ZNF248: variants seen among roughly 807,000 people sequenced by gnomAD.
ZNF248 encodes KRAB protein domain.
ZNF248 carries 20 observed loss-of-function variants against 44.3 expected under a neutral mutation model. The observed-to-expected ratio is 0.45, with a 90% CI of 0.32 to 0.66. The LOEUF is 0.66. ZNF248 is among the 30% of genes least tolerant of loss of function. The probability of loss-of-function intolerance (pLI) is 0.04; values close to 1 mark genes in which losing one functional copy is unlikely to be tolerated. For synonymous variants in ZNF248, 224 were observed against 229.0 expected (o/e 0.98, Z 0.20); for missense variants, 654 against 677.0 (o/e 0.97, Z 0.38).
chr10:37,807,950 G>A (rs894276485), intron 6 of ZNF248, among the ~76,000 whole-genome samples: 5 of 152,008 alleles, frequency 3.3e-5, no homozygotes, highest in African/African-American at 4.8e-5. Flanking sequence ...TCTTTTACCC[G>A]AGTACGACAT....
At chr10:37,791,868 G>C (rs757362057) in intron 6 of ZNF248, 19 of 152,164 alleles carry the variant, frequency 1.2e-4, no homozygotes, top group Non-Finnish European at 2.6e-4. Flanking sequence ...GACTGAAACA[G>C]TTTATGCCTT....
intron 3 of ZNF248, among the ~76,000 whole-genome samples, chr10:37,843,797 C>T (rs2058779651): frequency 6.6e-6 from 1 of 151,922 alleles, no homozygotes; most frequent in African/African-American, 2.4e-5. Flanking sequence ...TTTAACAACC[C>T]ATTTGAACAG....
chr10:37,768,138 G>A, the ZNF248 span, among the ~76,000 whole-genome samples: 1 of 152,094 alleles, frequency 6.6e-6, no homozygotes, highest in Non-Finnish European at 1.5e-5. Context: ...AGTCCTTAGC[G>A]ACCTACAAAG....
At chr10:37,822,613 T>C (rs1383469060) in intron 6 of ZNF248, among the ~76,000 whole-genome samples, 4 of 152,146 alleles carry the variant, frequency 2.6e-5, no homozygotes, top group African/African-American at 9.7e-5. Context: ...ATATTCATTA[T>C]AATAATATAG....
chr10:37,843,900 T>C (rs773699113), intron 3 of ZNF248, among the ~76,000 whole-genome samples: 13 of 151,938 alleles, frequency 8.6e-5, no homozygotes, highest in Non-Finnish European at 1.8e-4. Context: ...GAAATGTGAA[T>C]AGAGCCTAAG....
the ZNF248 span, among the ~76,000 whole-genome samples, chr10:37,760,735 G>A: frequency 2.0e-5 from 3 of 152,068 alleles, no homozygotes; most frequent in African/African-American, 4.8e-5. Flanking sequence ...TCAGGGGGCC[G>A]AGGCAGGAGA....
At chr10:37,780,298 G>A (rs1211975861) in intron 6 of ZNF248, among the ~76,000 whole-genome samples, 10 of 152,116 alleles carry the variant, frequency 6.6e-5, no homozygotes. Context: ...AAACAGCATG[G>A]TACTGGTACT....
At chr10:37,792,475 T>A (rs975068986) in intron 6 of ZNF248, among the ~76,000 whole-genome samples, 1 of 152,316 alleles carries the variant, frequency 6.6e-6, no homozygotes, top group Admixed American at 6.5e-5. Flanking sequence ...AGCTTAACTC[T>A]TCATGCCTAG....
intron 6 of ZNF248, chr10:37,791,723 A>C (rs1023406896): frequency 1.8e-4 from 27 of 152,340 alleles, no homozygotes; most frequent in African/African-American, 6.3e-4. Context: ...AAACATTTTA[A>C]TTCCTTTAAC....
chr10:37,846,213 C>T (rs2059293242), intron 3 of ZNF248, among the ~76,000 whole-genome samples: 1 of 152,154 alleles, frequency 6.6e-6, no homozygotes, highest in Non-Finnish European at 1.5e-5. Flanking sequence ...TTTCTGTGTG[C>T]TTGGTGAGAG....
chr10:37,812,548 A>ATTT (rs1321341501), intron 6 of ZNF248, among the ~76,000 whole-genome samples: 1 of 152,012 alleles, frequency 6.6e-6, no homozygotes, highest in Non-Finnish European at 1.5e-5. Flanking sequence ...AGTGAGAACC[A>ATTT]TTTTTCTGGA....
chr10:37,849,276 G>A (rs1422777442), intron 3 of ZNF248, among the ~76,000 whole-genome samples: 2 of 151,280 alleles, frequency 1.3e-5, no homozygotes, highest in African/African-American at 2.4e-5. Context: ...CTGTATTCCA[G>A]CCTGGGTAAC....
intron 6 of ZNF248, among the ~76,000 whole-genome samples, chr10:37,799,299 A>G (rs2049516608): frequency 6.6e-6 from 1 of 152,152 alleles, no homozygotes; most frequent in Admixed American, 6.5e-5. Context: ...GTGTATCCAA[A>G]ATTGGACCAG....
intron 3 of ZNF248, among the ~76,000 whole-genome samples, chr10:37,845,124 C>A (rs931380932): frequency 6.6e-6 from 1 of 151,798 alleles, no homozygotes; most frequent in Admixed American, 6.6e-5. Flanking sequence ...CTGGCTCAAG[C>A]GATCCTTCCA....
chr10:37,779,928 G>C (rs2047073972), intron 6 of ZNF248, among the ~76,000 whole-genome samples: 1 of 150,712 alleles, frequency 6.6e-6, no homozygotes, highest in African/African-American at 2.4e-5. Flanking sequence ...GCTTCAAAGA[G>C]AATAAAATAC....
At position 37,830,669 on chromosome 10, in the gene ZNF248, T is replaced by C. The variant is rs551855632; in HGVS notation, c.*946A>G. 3 of 942,488 alleles carry C rather than the reference T, an allele frequency of 3.2e-6. No homozygotes were observed. The African/African-American group carries it at 5.3e-5, about 17-fold the overall frequency. 58.4% of individuals were successfully genotyped at this position (942,488 alleles called of 1,614,324 possible). ...CTCTGAGAAAATTAAAACCCTGATT[T>C]ATAGTTTGTCAATTTCCATGGTGTA... is the stretch of plus-strand genomic sequence containing the variant. On this transcript the variant is annotated 3_prime_UTR_variant, in exon 6 of 6. Transcript: ENST00000395867.
intron 6 of ZNF248, among the ~76,000 whole-genome samples, chr10:37,811,671 CAA>C (rs367773211): frequency 7.5e-6 from 1 of 132,782 alleles, no homozygotes; most frequent in Non-Finnish European, 1.6e-5. Context: ...CCTGTCTCTA[CAA>C]AAAAAAAAAT....
At chr10:37,758,921 C>T in the ZNF248 span, among the ~76,000 whole-genome samples, 18 of 152,330 alleles carry the variant, frequency 1.2e-4, no homozygotes, top group East Asian at 3.5e-3. Flanking sequence ...TGCAGAAACA[C>T]ATCTGACATC....
chr10:37,770,943 C>T, the ZNF248 span, among the ~76,000 whole-genome samples: 14 of 152,218 alleles, frequency 9.2e-5, no homozygotes, highest in South Asian at 4.2e-4. Flanking sequence ...CAAACAACCC[C>T]ATCAAAAAGT....
Sources: gnomAD v4.1 joint callset for allele counts (sites outside exome capture counted in the v4.1 genomes callset) on GRCh38, gnomAD v4.1.1 for gene constraint, MANE v1.5 for transcripts, NCBI Gene and HGNC (gene_info 2026-07-23, HGNC 2026-07-21) for gene names.